The following GPC5 variants were observed in gnomAD, a reference collection of about 807,000 sequenced individuals.
The protein encoded by GPC5 is glypican-5.
Under a neutral mutation model 53.9 loss-of-function variants are expected in GPC5, and 47 were observed. That is an observed-to-expected ratio of 0.87 (90% confidence interval 0.69 to 1.11). The LOEUF is 1.11. Among genes scored for constraint, GPC5 ranks in the 50% most tolerant of loss-of-function variants. The pLI is 0.00. For synonymous variants in GPC5, 286 were observed against 263.3 expected (o/e 1.09, Z -0.84); for missense variants, 748 against 713.1 (o/e 1.05, Z -0.56).
chr13:92,026,410 CTACT>C (rs947913064), intron 6 of GPC5, among the ~76,000 whole-genome samples: 9 of 151,200 alleles, frequency 6.0e-5, no homozygotes, highest in African/African-American at 2.2e-4. Context: ...AACATAGACC[CTACT>C]TAAAGGTATC....
intron 5 of GPC5, among the ~76,000 whole-genome samples, chr13:91,844,282 G>C (rs556930825): frequency 1.2e-4 from 19 of 152,318 alleles, no homozygotes; most frequent in African/African-American, 4.6e-4. Context: ...AGAGGTTGAT[G>C]GATTTGAAAA....
intron 7 of GPC5, among the ~76,000 whole-genome samples, chr13:92,397,263 A>T (rs1018017464): frequency 6.7e-6 from 1 of 150,186 alleles, no homozygotes; most frequent in African/African-American, 2.5e-5. Flanking sequence ...TAATTGAATC[A>T]TGGGGGCTGG....
chr13:92,079,765 A>G (rs2041280728), intron 6 of GPC5, among the ~76,000 whole-genome samples: 1 of 152,192 alleles, frequency 6.6e-6, no homozygotes, highest in Admixed American at 6.5e-5. Flanking sequence ...ATTTCTTTGC[A>G]GTAGCAATTG....
rs185954889 is a variant in GPC5, at chr13:92,771,488, G to A, written c.1562-94794G>A. On this transcript the variant is annotated intron_variant, in intron 7 of 7. Transcript: ENST00000377067. The stretch of plus-strand genomic sequence containing the variant: ...CTCCGGAGTAGCTGGGATTACAGGC[G>A]CCTGCCACCATGCCCGGCTAATTTT... Among the ~76,000 whole-genome samples the A allele has an allele frequency of 2.2e-3, 339 of 151,948 alleles. 4 individuals carry two copies. Among genetic ancestry groups the A allele is most frequent in the African/African-American group, 7.5e-3 (310 of 41,458 alleles).
intron 7 of GPC5, among the ~76,000 whole-genome samples, chr13:92,745,766 T>C (rs1398943544): frequency 6.6e-6 from 1 of 152,142 alleles, no homozygotes; most frequent in Non-Finnish European, 1.5e-5. Flanking sequence ...ATCATTTTTT[T>C]CAAAATTTCG....
At chr13:91,533,463 C>T (rs567221201) in intron 2 of GPC5, among the ~76,000 whole-genome samples, 6 of 152,266 alleles carry the variant, frequency 3.9e-5, no homozygotes, top group Non-Finnish European at 7.4e-5. Context: ...ACTGAGTGCT[C>T]ATCTTTGAAC....
At chr13:92,228,242 C>T (rs1020478910) in intron 7 of GPC5, among the ~76,000 whole-genome samples, 14 of 151,440 alleles carry the variant, frequency 9.2e-5, no homozygotes, top group African/African-American at 1.2e-4. Flanking sequence ...GTGTTGTTCA[C>T]GAGCCAGCTA....
chr13:92,710,496 T>C (rs1888098650), intron 7 of GPC5, among the ~76,000 whole-genome samples: 1 of 152,208 alleles, frequency 6.6e-6, no homozygotes. Context: ...TAGTAGAGAA[T>C]AGAACAAGTT....
At chr13:92,011,931 C>A (rs1322296152) in intron 6 of GPC5, among the ~76,000 whole-genome samples, 1 of 152,124 alleles carries the variant, frequency 6.6e-6, no homozygotes, top group Non-Finnish European at 1.5e-5. Context: ...GTCAGACTTA[C>A]AGAAAAGAGT....
intron 6 of GPC5, among the ~76,000 whole-genome samples, chr13:92,127,846 A>G (rs1393419856): frequency 6.6e-6 from 1 of 152,216 alleles, no homozygotes; most frequent in Admixed American, 6.5e-5. Context: ...ATTTTCAAAG[A>G]AAAAAGCACA....
At chr13:91,460,618 A>G (rs896418124) in intron 2 of GPC5, among the ~76,000 whole-genome samples, 1 of 152,082 alleles carries the variant, frequency 6.6e-6, no homozygotes, top group African/African-American at 2.4e-5. Flanking sequence ...TTTTTATTAT[A>G]TTATTTCTTA....
chr13:91,705,694 C>CG (rs1491506859), intron 3 of GPC5, among the ~76,000 whole-genome samples: 2 of 87,082 alleles, frequency 2.3e-5, no homozygotes, highest in African/African-American at 6.3e-5. Context: ...TCTAAAAACA[C>CG]CCCCCCCCCC....
intron 2 of GPC5, among the ~76,000 whole-genome samples, chr13:91,513,707 C>T (rs1885353771): frequency 6.6e-6 from 1 of 152,096 alleles, no homozygotes. Flanking sequence ...CATTGCTGCA[C>T]TCCAGCCTGG....
intron 7 of GPC5, among the ~76,000 whole-genome samples, chr13:92,683,858 T>G (rs1208915661): frequency 6.6e-6 from 1 of 152,200 alleles, no homozygotes; most frequent in Non-Finnish European, 1.5e-5. Context: ...TCGTGGTATT[T>G]TTAACATTAG....
intron 5 of GPC5, among the ~76,000 whole-genome samples, chr13:91,773,073 TG>T (rs2037653587): frequency 6.6e-6 from 1 of 152,182 alleles, no homozygotes; most frequent in African/African-American, 2.4e-5. Context: ...CGGTATCTAA[TG>T]GGATTCCATC....
At chr13:91,554,751 A>T (rs1043035631) in intron 2 of GPC5, among the ~76,000 whole-genome samples, 1 of 152,056 alleles carries the variant, frequency 6.6e-6, no homozygotes, top group Non-Finnish European at 1.5e-5. Flanking sequence ...GTTTTCATGT[A>T]ACCTCTCCGT....
At chr13:92,518,012 G>A (rs969825158) in intron 7 of GPC5, among the ~76,000 whole-genome samples, 7 of 152,160 alleles carry the variant, frequency 4.6e-5, no homozygotes, top group Non-Finnish European at 7.3e-5. Context: ...ACCATGGCAC[G>A]AGAACTACGT....
At chr13:91,625,228 A>T (rs1294126373) in intron 2 of GPC5, among the ~76,000 whole-genome samples, 4 of 150,276 alleles carry the variant, frequency 2.7e-5, no homozygotes, top group Admixed American at 6.6e-5. Context: ...AAAAAAAAAA[A>T]TCAATAACAC....
At chr13:91,408,052 T>C (rs1031844574) in intron 1 of GPC5, among the ~76,000 whole-genome samples, 2 of 152,218 alleles carry the variant, frequency 1.3e-5, no homozygotes, top group South Asian at 2.1e-4. Flanking sequence ...ACCAATTTTG[T>C]TGTGGTGAGG....
Sources: allele counts gnomAD v4.1 joint callset (sites outside exome capture counted in the v4.1 genomes callset), GRCh38; gene constraint gnomAD v4.1.1; transcripts MANE v1.5; gene names NCBI Gene and HGNC (gene_info 2026-07-23, HGNC 2026-07-21).